AK8: variants seen among roughly 807,000 people sequenced by gnomAD.
The protein encoded by AK8 is adenylate kinase 8.
A neutral mutation model predicts 54.6 loss-of-function variants in AK8; 44 were observed. The observed-to-expected ratio is 0.81, with a 90% CI of 0.63 to 1.04. AK8 has a LOEUF of 1.04. Among genes scored for constraint, AK8 ranks in the 50% least tolerant of loss-of-function variants. AK8 has a pLI of 0.00. For missense variants in AK8, 555 were observed against 613.6 expected (o/e 0.90, Z 1.01); for synonymous variants, 239 against 245.6 (o/e 0.97, Z 0.25).
At chr9:132,815,509 C>T (rs908538939) in intron 9 of AK8, among the ~76,000 whole-genome samples, 3 of 151,738 alleles carry the variant, frequency 2.0e-5, no homozygotes, top group African/African-American at 7.3e-5. Context: ...GCCAAGATCG[C>T]GTCACTGCGC....
chr9:132,760,331 G>A (rs1407485241), intron 11 of AK8, among the ~76,000 whole-genome samples: 1 of 152,006 alleles, frequency 6.6e-6, no homozygotes, highest in Admixed American at 6.6e-5. Context: ...ACAGGCTCAA[G>A]CTGCTGTGCC....
At chr9:132,777,541 T>C (rs1839275063) in intron 11 of AK8, among the ~76,000 whole-genome samples, 1 of 152,230 alleles carries the variant, frequency 6.6e-6, no homozygotes, top group African/African-American at 2.4e-5. Flanking sequence ...GACAACATTA[T>C]CTCAGTTGTA....
rs1303715070 is a variant in AK8, at chr9:132,790,472, G to A, written c.1121+2162C>T. Among the ~76,000 whole-genome samples the A allele has an allele frequency of 2.0e-5, 3 of 152,064 alleles. No individual in the cohort carries two copies. The highest frequency in any genetic ancestry group is 2.9e-5 in the Non-Finnish European group (2 of 68,004). ...TCACCATGTTAGCCAGGATGGTCTC[G>A]ATCTCCTGACCTCATGATCCACCCA... is the stretch of plus-strand genomic sequence containing the variant. On this transcript the variant is annotated intron_variant, in intron 11 of 12. Transcript: ENST00000298545. This position sits in a 1 kb window ranked among gnomAD's most constrained non-coding sequence, Gnocchi z 4.1.
chr9:132,747,196 A>G (rs953972254), intron 11 of AK8, among the ~76,000 whole-genome samples: 1 of 152,228 alleles, frequency 6.6e-6, no homozygotes, highest in Non-Finnish European at 1.5e-5. Context: ...GCTGGAGTGC[A>G]GTGGTGCAAT....
chr9:132,777,213 C>T (rs1353789044), intron 11 of AK8, among the ~76,000 whole-genome samples: 1 of 152,100 alleles, frequency 6.6e-6, no homozygotes, highest in African/African-American at 2.4e-5. Context: ...GCTCTGATCT[C>T]CACAGAAAGG....
At chr9:132,819,093 C>T (rs1044632639) in intron 9 of AK8, among the ~76,000 whole-genome samples, 1 of 152,160 alleles carries the variant, frequency 6.6e-6, no homozygotes, top group African/African-American at 2.4e-5. Context: ...TATAACTATC[C>T]TTACTGTATA....
chr9:132,871,579 C>T (rs1234419137), intron 2 of AK8, among the ~76,000 whole-genome samples: 1 of 152,234 alleles, frequency 6.6e-6, no homozygotes, highest in Non-Finnish European at 1.5e-5. Flanking sequence ...AAAAGCTGGA[C>T]TCAGCTATTC....
chr9:132,813,279 G>A (rs1043288855), intron 10 of AK8, among the ~76,000 whole-genome samples: 3 of 151,982 alleles, frequency 2.0e-5, no homozygotes, highest in Non-Finnish European at 4.4e-5. Flanking sequence ...TCCACCCCGC[G>A]GACTAGGACA....
rs145248265 is a variant in AK8 at position 132,854,914 on chromosome 9, G to A, written c.345C>T (p.Ser115=). 1.3e-5 allele frequency: 21 copies of A among 1,613,786 alleles called. No individual in the cohort carries two copies. Among genetic ancestry groups the A allele is most frequent in the Non-Finnish European group, 1.8e-5 (21 of 1,179,934 alleles). The stretch of plus-strand genomic sequence containing the variant: ...CCTGAATCAGCTGGACGAGCAGCGC[G>A]CTGGGAACTGTCTGAAGGAAAAAGG... The part of the protein sequence containing the change: ...RLYLQRKTVP[S]ALLVQLIQER... Residue 115 remains serine, a synonymous_variant, in exon 5 of 13, where the codon AGC becomes AGT. Transcript: ENST00000298545.
chr9:132,872,057 A>AG (rs1252947710), intron 2 of AK8, among the ~76,000 whole-genome samples: 6 of 152,202 alleles, frequency 3.9e-5, no homozygotes, highest in African/African-American at 1.4e-4. Context: ...ACAGAGGGCC[A>AG]GGCACAGTGG....
intron 10 of AK8, among the ~76,000 whole-genome samples, chr9:132,800,172 G>A (rs985110566): frequency 3.9e-5 from 6 of 152,124 alleles, no homozygotes; most frequent in African/African-American, 9.7e-5. Flanking sequence ...CATCACTCTC[G>A]GGATGGCACT....
intron 9 of AK8, 92 bp from the exon 10 acceptor site, chr9:132,814,819 A>T (rs557599889): frequency 1.3e-6 from 1 of 783,226 alleles, no homozygotes; most frequent in African/African-American, 1.8e-5. Flanking sequence ...CTGCTGAGGG[A>T]AAAAAAAAAG....
intron 11 of AK8, among the ~76,000 whole-genome samples, chr9:132,775,827 T>C (rs1590227587): frequency 6.6e-6 from 1 of 152,360 alleles, no homozygotes; most frequent in Non-Finnish European, 1.5e-5. Context: ...CAGCCATGCC[T>C]GCGGTTGCCT....
chr9:132,754,454 G>A (rs1285695211), intron 11 of AK8, among the ~76,000 whole-genome samples: 2 of 152,158 alleles, frequency 1.3e-5, no homozygotes, highest in African/African-American at 4.8e-5. Context: ...CTGAATGTTC[G>A]TGGAAGATCA....
chr9:132,819,670 A>G (rs1349209836), intron 9 of AK8, among the ~76,000 whole-genome samples: 1 of 152,242 alleles, frequency 6.6e-6, no homozygotes, highest in Non-Finnish European at 1.5e-5. Context: ...CAAACATCTT[A>G]TCCTAATCGA....
intron 9 of AK8, among the ~76,000 whole-genome samples, chr9:132,821,745 GTATATACAAA>G (rs1324652862): frequency 4.5e-4 from 57 of 127,116 alleles, no homozygotes; most frequent in African/African-American, 7.3e-4. Flanking sequence ...ATATTTGTAT[GTATATACAAA>G]TATATACATA....
chr9:132,793,201 T>A (rs1336809511), intron 10 of AK8, among the ~76,000 whole-genome samples: 1 of 152,194 alleles, frequency 6.6e-6, no homozygotes, highest in Admixed American at 6.5e-5. Context: ...TCTTGCTTCA[T>A]CCTCACCTGG....
rs200457695 is a variant in AK8 at position 132,828,001 on chromosome 9, C to A, written c.556+12G>T. Reference sequence around the variant, plus strand: ...ACCCCATGGGGCTGGGTGGGGGTGGCCGTAGCCATACCTCCAGTTTGAGGG... The same window carrying A: ...ACCCCATGGGGCTGGGTGGGGGTGGACGTAGCCATACCTCCAGTTTGAGGG... On this transcript the variant is annotated intron_variant, in intron 7 of 12. Coordinates refer to ENST00000298545, the MANE Select transcript of AK8 (RefSeq NM_152572.3). 3.9e-6 allele frequency: 6 copies of A among 1,557,320 alleles called. No individual in the cohort carries two copies. In the South Asian group the frequency reaches 7.1e-5, roughly 18 times the overall value.
At chr9:132,728,001 A>T (rs1412702561) in intron 11 of AK8, among the ~76,000 whole-genome samples, 1 of 151,456 alleles carries the variant, frequency 6.6e-6, no homozygotes, top group African/African-American at 2.4e-5. Flanking sequence ...TGAGTAACAA[A>T]CTCTTCTTTC....
Sources: gnomAD v4.1 joint callset for allele counts (sites outside exome capture counted in the v4.1 genomes callset) on GRCh38, gnomAD v4.1.1 for gene constraint, Gnocchi (gnomAD v3.1) non-coding constraint, MANE v1.5 for transcripts, NCBI Gene and HGNC (gene_info 2026-07-23, HGNC 2026-07-21) for gene names.